The following PLCB1 variants were observed in gnomAD, a reference collection of about 807,000 sequenced individuals.
PLCB1 encodes the protein 1-phosphatidylinositol 4,5-bisphosphate phosphodiesterase beta-1.
In PLCB1, 46 loss-of-function variants were observed where a neutral mutation model predicts 161.8. That is an observed-to-expected ratio of 0.28 (90% confidence interval 0.22 to 0.36). The LOEUF (loss-of-function observed/expected upper bound fraction) is 0.36. Ranked by LOEUF, PLCB1 falls within the 10% of genes least tolerant of loss-of-function variation. The pLI, the probability that PLCB1 is intolerant of heterozygous loss-of-function variation, is 1.00. For missense variants in PLCB1, 1,016 were observed against 1,472.5 expected, an observed-to-expected ratio of 0.69 and a Z score of 5.07; for synonymous variants, 517 against 503.7, an observed-to-expected ratio of 1.03 and a Z score of -0.35.
intron 15 of PLCB1, among the ~76,000 whole-genome samples, chr20:8,723,502 A>G (rs1056071796): frequency 1.3e-5 from 2 of 152,186 alleles, no homozygotes; most frequent in African/African-American, 2.4e-5. Context: ...CCAACACTGC[A>G]TTATTGGTTT....
intron 9 of PLCB1, among the ~76,000 whole-genome samples, chr20:8,681,082 G>A (rs1223219369): frequency 4.9e-5 from 2 of 40,730 alleles, no homozygotes; most frequent in South Asian, 7.4e-4. Flanking sequence ...GTATATGTGT[G>A]TGTGTATATA....
intron 2 of PLCB1, among the ~76,000 whole-genome samples, chr20:8,270,738 G>A (rs542270631): frequency 6.6e-6 from 1 of 152,102 alleles, no homozygotes; most frequent in Non-Finnish European, 1.5e-5. Flanking sequence ...TTATCCTGCT[G>A]TCTGTGACTT....
intron 2 of PLCB1, among the ~76,000 whole-genome samples, chr20:8,199,130 A>G (rs531837517): frequency 2.0e-4 from 30 of 152,218 alleles, no homozygotes; most frequent in African/African-American, 6.5e-4. Context: ...AATAATAGAT[A>G]TATTTTCCTT....
chr20:8,609,374 T>C (rs1987842479), intron 3 of PLCB1, among the ~76,000 whole-genome samples: 1 of 152,194 alleles, frequency 6.6e-6, no homozygotes, highest in African/African-American at 2.4e-5. Context: ...TTGAAAATGC[T>C]CCAGCACTTG....
At chr20:8,743,964 A>G (rs1479696588) in intron 23 of PLCB1, among the ~76,000 whole-genome samples, 2 of 152,206 alleles carry the variant, frequency 1.3e-5, no homozygotes, top group African/African-American at 4.8e-5. Flanking sequence ...ACTTAATAGC[A>G]TATTTAATAA....
intron 2 of PLCB1, among the ~76,000 whole-genome samples, chr20:8,322,390 T>C (rs1984960114): frequency 6.6e-6 from 1 of 152,154 alleles, no homozygotes; most frequent in South Asian, 2.1e-4. Flanking sequence ...GTGTCTTTTT[T>C]CCCTGCAGTC....
At chr20:8,288,697 A>G (rs1450708908) in intron 2 of PLCB1, among the ~76,000 whole-genome samples, 2 of 152,104 alleles carry the variant, frequency 1.3e-5, no homozygotes, top group Non-Finnish European at 2.9e-5. Context: ...TTAGCAGCTG[A>G]CACCTTCAGC....
Position 8,775,579 on chromosome 20 carries a change from C to G in PLCB1, c.3111+860C>G, listed in dbSNP as rs145402865. On this transcript the variant is annotated intron_variant, in intron 27 of 31. Coordinates refer to ENST00000338037, the MANE Select transcript of PLCB1 (RefSeq NM_015192.4). ...AAGCCTATAGATGATTTAGCCATCA[C>G]TGTATAATAGGTGATTCAGTGTAAT... Among the ~76,000 whole-genome samples the G allele has an allele frequency of 2.0e-3, 307 of 152,298 alleles. 3 individuals carry two copies. Among genetic ancestry groups the G allele is most frequent in the African/African-American group, 7.1e-3 (296 of 41,552 alleles).
chr20:8,768,616 A>G (rs565860495), intron 26 of PLCB1, among the ~76,000 whole-genome samples: 2 of 152,358 alleles, frequency 1.3e-5, no homozygotes, highest in Admixed American at 1.3e-4. Context: ...AAGTACAGGC[A>G]TCACCCACAT....
At chr20:8,711,680 T>C (rs1979024654) in intron 12 of PLCB1, among the ~76,000 whole-genome samples, 1 of 152,216 alleles carries the variant, frequency 6.6e-6, no homozygotes, top group Admixed American at 6.5e-5. Flanking sequence ...GCCACCATTC[T>C]TTCCTGGGAG....
chr20:8,644,611 C>G (rs1989093604), intron 4 of PLCB1, among the ~76,000 whole-genome samples: 1 of 152,002 alleles, frequency 6.6e-6, no homozygotes, highest in Non-Finnish European at 1.5e-5. Flanking sequence ...GCTGCCCTGT[C>G]TGAGAAGTGA....
At position 8,717,679 on chromosome 20, in the gene PLCB1, T is replaced by C; in HGVS notation, c.1344T>C (p.Ser448=). The change falls in exon 14 of 32, where the codon TCT becomes TCC. Residue 448 remains serine (S), a synonymous_variant. Coordinates refer to ENST00000338037, the MANE Select transcript of PLCB1 (RefSeq NM_015192.4). ...CCTTTCATTTCTATTAGCTGGAATC[T>C]GGAGTTCCTCTTCCAAGCCCTATGG... The part of the protein sequence containing the change: ...MEPLEKYPLE[S]GVPLPSPMDL... 1 of 1,604,286 alleles carries C rather than the reference T, an allele frequency of 6.2e-7. No individual in the cohort carries two copies. The highest frequency in any genetic ancestry group is 1.3e-5 in the African/African-American group (1 of 74,112).
At chr20:8,592,492 C>G (rs1987180354) in intron 3 of PLCB1, among the ~76,000 whole-genome samples, 1 of 152,192 alleles carries the variant, frequency 6.6e-6, no homozygotes, top group Non-Finnish European at 1.5e-5. Flanking sequence ...TTCTGGCCAG[C>G]ATACGTGCCA....
At chr20:8,453,039 T>G (rs538628215) in intron 3 of PLCB1, among the ~76,000 whole-genome samples, 1 of 152,386 alleles carries the variant, frequency 6.6e-6, no homozygotes, top group East Asian at 1.9e-4. Context: ...GAACCCTGCC[T>G]GACTTTGCAT....
chr20:8,486,080 A>G (rs1452556345), intron 3 of PLCB1, among the ~76,000 whole-genome samples: 1 of 152,204 alleles, frequency 6.6e-6, no homozygotes, highest in Non-Finnish European at 1.5e-5. Flanking sequence ...TTATAAAACC[A>G]TCAGACCTCA....
At position 8,424,871 on chromosome 20, in the gene PLCB1, A is replaced by G. The variant is rs148470208; in HGVS notation, c.246+53421A>G. ...TTTATTGAAAACAAAAGTACACTCC[A>G]CAGTGTGGGAATGGACTCGAGCCAC... On this transcript the variant is annotated intron_variant, in intron 3 of 31. Transcript: ENST00000338037. Among the ~76,000 whole-genome samples the G allele has an allele frequency of 2.3e-3, 343 of 152,312 alleles. 13 individuals are homozygous for G. The East Asian group carries it at 0.052, about 23-fold the overall frequency.
At chr20:8,721,197 A>G (rs1219048571) in intron 14 of PLCB1, among the ~76,000 whole-genome samples, 1 of 152,216 alleles carries the variant, frequency 6.6e-6, no homozygotes, top group Non-Finnish European at 1.5e-5. Context: ...AGGACAGTGC[A>G]GTGGTACTGT....
rs560801577 is a variant in PLCB1, at chr20:8,820,000, C to T, written c.3423+29739C>T. ...ATTATATATAGTAAAACCTATTCATCCTCCTATATATATTAAATCCTCTCC... is the reference window on the plus strand; with the variant it reads ...ATTATATATAGTAAAACCTATTCATTCTCCTATATATATTAAATCCTCTCC... On this transcript the variant is annotated intron_variant, in intron 31 of 31. Transcript: ENST00000338037. Among the ~76,000 whole-genome samples the T allele has an allele frequency of 9.4e-5, 14 of 149,000 alleles. No homozygotes were observed. The East Asian group carries it at 2.7e-3, about 29-fold the overall frequency.
intron 31 of PLCB1, among the ~76,000 whole-genome samples, chr20:8,804,279 G>A (rs933129982): frequency 7.2e-5 from 11 of 152,146 alleles, no homozygotes; most frequent in African/African-American, 2.4e-4. Flanking sequence ...TTTCAGGCTT[G>A]TAATAGCGTG....
Sources: gnomAD v4.1 joint callset for allele counts (sites outside exome capture counted in the v4.1 genomes callset) on GRCh38, gnomAD v4.1.1 for gene constraint, MANE v1.5 for transcripts, NCBI Gene and HGNC (gene_info 2026-07-23, HGNC 2026-07-21) for gene names.